Variants in NRXN3 observed in about 807,000 individuals in gnomAD.
The protein encoded by NRXN3 is neurexin 3.
In NRXN3, 32 loss-of-function variants were observed where a neutral mutation model predicts 137.6. The observed-to-expected ratio is 0.23, with a 90% confidence interval of 0.18 to 0.31. NRXN3 has a LOEUF of 0.31. NRXN3 is among the 10% of genes least tolerant of loss of function. NRXN3 has a pLI of 1.00. For synonymous variants in NRXN3, 798 were observed against 784.5 expected, an observed-to-expected ratio of 1.02 and a Z score of -0.29; for missense variants, 1,574 against 2,062.5, an observed-to-expected ratio of 0.76 and a Z score of 4.59.
At chr14:79,101,845 A>G (rs549988260) in intron 15 of NRXN3, among the ~76,000 whole-genome samples, 1 of 152,286 alleles carries the variant, frequency 6.6e-6, no homozygotes, top group East Asian at 1.9e-4. Context: ...TGGGTCCTCA[A>G]TCCAATATGA....
intron 19 of NRXN3, among the ~76,000 whole-genome samples, chr14:79,751,252 A>C: frequency 6.6e-6 from 1 of 151,910 alleles, no homozygotes; most frequent in Non-Finnish European, 1.5e-5. Flanking sequence ...TTCATTGAGC[A>C]GTGGTTTGTA....
intron 16 of NRXN3, among the ~76,000 whole-genome samples, chr14:79,472,799 A>T (rs933403267): frequency 1.3e-5 from 2 of 152,148 alleles, no homozygotes; most frequent in East Asian, 1.9e-4. Flanking sequence ...AGGGAAAAAA[A>T]ACTGAATAGG....
At chr14:79,016,962 G>A (rs897154947) in intron 15 of NRXN3, among the ~76,000 whole-genome samples, 3 of 152,130 alleles carry the variant, frequency 2.0e-5, no homozygotes, top group African/African-American at 2.4e-5. Context: ...GAAAAGGCTC[G>A]TGGGCAGACA....
intron 15 of NRXN3, chr14:79,072,462 T>C (rs1322054161): frequency 1.3e-5 from 2 of 152,198 alleles, no homozygotes; most frequent in Non-Finnish European, 2.9e-5. Flanking sequence ...TTGAGCAGGT[T>C]ACGAACCTCT....
intron 15 of NRXN3, among the ~76,000 whole-genome samples, chr14:79,128,390 T>C (rs1393988068): frequency 1.4e-5 from 2 of 148,078 alleles, no homozygotes; most frequent in African/African-American, 2.5e-5. Context: ...GCATGAAGCG[T>C]TGTTGAATTT....
intron 19 of NRXN3, among the ~76,000 whole-genome samples, chr14:79,793,308 G>T (rs890156466): frequency 1.3e-5 from 2 of 152,040 alleles, no homozygotes; most frequent in African/African-American, 2.4e-5. Context: ...CCAGCTATTC[G>T]GGAGCCTGAG....
intron 16 of NRXN3, among the ~76,000 whole-genome samples, chr14:79,574,764 A>T (rs1355903148): frequency 6.6e-6 from 1 of 152,170 alleles, no homozygotes; most frequent in Non-Finnish European, 1.5e-5. Context: ...GAAGAATGGA[A>T]ATATTTGCTA....
intron 15 of NRXN3, among the ~76,000 whole-genome samples, chr14:79,462,010 T>C (rs2096350422): frequency 6.6e-6 from 1 of 152,200 alleles, no homozygotes; most frequent in African/African-American, 2.4e-5. Flanking sequence ...GTTATACTTA[T>C]TTTATTACTT....
chr14:79,849,168 T>A (rs888964084), intron 20 of NRXN3, among the ~76,000 whole-genome samples: 1 of 152,198 alleles, frequency 6.6e-6, no homozygotes, highest in Non-Finnish European at 1.5e-5. Context: ...TTGCTTGAAT[T>A]CTGCAACGGC....
At chr14:79,084,597 C>A (rs2047726781) in intron 15 of NRXN3, among the ~76,000 whole-genome samples, 1 of 152,126 alleles carries the variant, frequency 6.6e-6, no homozygotes, top group African/African-American at 2.4e-5. Flanking sequence ...ATTTCCTATG[C>A]CCCTCTGCTG....
rs1404099070 is a variant in NRXN3, at chr14:78,926,880, A to C, written c.2276-30362A>C. Among the ~76,000 whole-genome samples the C allele has an allele frequency of 5.0e-3, 103 of 20,698 alleles. 46 individuals are homozygous for C. Among genetic ancestry groups the C allele is most frequent in the African/African-American group, 0.038 (84 of 2,230 alleles). 13.6% of individuals were successfully genotyped at this position (20,698 alleles called of 152,430 possible). ...ATATATAATATATATATAATATATA[A>C]TATATTTATATATATATATAATATA... On this transcript the variant is annotated intron_variant, in intron 10 of 20. Transcript: ENST00000335750.
intron 15 of NRXN3, among the ~76,000 whole-genome samples, chr14:79,264,557 T>TGC (rs1318146760): frequency 5.9e-4 from 72 of 122,924 alleles, no homozygotes; most frequent in Middle Eastern, 4.2e-3. Flanking sequence ...TGTGTGTGTG[T>TGC]GCGCGCGTGC....
intron 4 of NRXN3, among the ~76,000 whole-genome samples, chr14:78,315,563 C>T (rs2078607675): frequency 6.6e-6 from 1 of 152,134 alleles, no homozygotes; most frequent in Admixed American, 6.5e-5. Context: ...TTAAAACAAG[C>T]TGCGTTTATG....
chr14:78,629,129 A>T (rs969112472), intron 4 of NRXN3, among the ~76,000 whole-genome samples: 1 of 152,176 alleles, frequency 6.6e-6, no homozygotes, highest in Non-Finnish European at 1.5e-5. Context: ...CATCACTATC[A>T]TCACCCCCAT....
intron 4 of NRXN3, among the ~76,000 whole-genome samples, chr14:78,330,174 T>C (rs577574842): frequency 6.6e-6 from 1 of 152,268 alleles, no homozygotes; most frequent in South Asian, 2.1e-4. Flanking sequence ...AGATAATTAA[T>C]CCAATCTCCT....
intron 14 of NRXN3, 152 bp downstream of exon 14, chr14:78,968,498 C>T: frequency 1.5e-6 from 1 of 649,230 alleles, no homozygotes; most frequent in Non-Finnish European, 2.5e-6. Context: ...GTTCTCTTGT[C>T]ACTGGTTTAG....
At chr14:78,366,876 T>A (rs369282312) in intron 4 of NRXN3, among the ~76,000 whole-genome samples, 6 of 152,174 alleles carry the variant, frequency 3.9e-5, no homozygotes, top group Non-Finnish European at 8.8e-5. Flanking sequence ...ATATCATTGG[T>A]GTATTTCCTT....
chr14:78,224,642 A>G (rs2064273632), intron 1 of NRXN3, among the ~76,000 whole-genome samples: 1 of 148,332 alleles, frequency 6.7e-6, no homozygotes, highest in South Asian at 2.2e-4. Flanking sequence ...TCCATGGTGT[A>G]TATGTGCCAC....
intron 16 of NRXN3, among the ~76,000 whole-genome samples, chr14:79,632,612 T>C (rs1452606719): frequency 6.6e-6 from 1 of 152,210 alleles, no homozygotes; most frequent in Non-Finnish European, 1.5e-5. Flanking sequence ...ACTTCATGAT[T>C]AAAACAAATT....
Sources: allele counts gnomAD v4.1 joint callset (sites outside exome capture counted in the v4.1 genomes callset), GRCh38; gene constraint gnomAD v4.1.1; transcripts MANE v1.5; gene names NCBI Gene and HGNC (gene_info 2026-07-23, HGNC 2026-07-21).